Variants in KSR2 observed in about 807,000 individuals in gnomAD.
The protein encoded by KSR2 is kinase suppressor of ras 2.
In KSR2, 25 loss-of-function variants were observed where a neutral mutation model predicts 107.8. That is an observed-to-expected ratio of 0.23 (90% CI 0.17 to 0.32). KSR2 has a LOEUF of 0.32. Among genes scored for constraint, KSR2 ranks in the 10% least tolerant of loss-of-function variants. The pLI is 1.00. For missense variants in KSR2, 887 were observed against 1,268.9 expected (o/e 0.70, Z 4.57); for synonymous variants, 480 against 507.0 (o/e 0.95, Z 0.71).
chr12:117,706,039 CTTTT>C (rs35761064), intron 4 of KSR2, among the ~76,000 whole-genome samples: 2 of 114,706 alleles, frequency 1.7e-5, no homozygotes, highest in Non-Finnish European at 3.6e-5. Flanking sequence ...GTTGTTGGGT[CTTTT>C]TTTTTTTTTT....
chr12:117,855,315 C>A, intron 3 of KSR2, 113 bp downstream of exon 3: 1 of 1,421,552 alleles, frequency 7.0e-7, no homozygotes, highest in Non-Finnish European at 9.6e-7. Flanking sequence ...ATTTGCCCCC[C>A]AGGGTTGACT....
intron 3 of KSR2, among the ~76,000 whole-genome samples, chr12:117,834,268 G>T (rs1053187096): frequency 6.6e-6 from 1 of 152,030 alleles, no homozygotes; most frequent in Admixed American, 6.6e-5. Context: ...CTGGTCAGTG[G>T]TACAAAGATC....
At chr12:117,918,932 G>A (rs1895263216) in intron 1 of KSR2, among the ~76,000 whole-genome samples, 1 of 152,020 alleles carries the variant, frequency 6.6e-6, no homozygotes, top group Non-Finnish European at 1.5e-5. Context: ...TGGAAACACA[G>A]CCCCCTACCC....
intron 2 of KSR2, among the ~76,000 whole-genome samples, chr12:117,859,599 G>A (rs953745631): frequency 1.3e-5 from 2 of 151,478 alleles, no homozygotes; most frequent in African/African-American, 2.4e-5. Context: ...TAGGACCACA[G>A]GCATGCACCA....
chr12:117,904,588 AG>A (rs1894784223), intron 1 of KSR2, among the ~76,000 whole-genome samples: 1 of 152,210 alleles, frequency 6.6e-6, no homozygotes, highest in Admixed American at 6.5e-5. Context: ...ACTATGTGCC[AG>A]TATCCTACTA....
intron 1 of KSR2, among the ~76,000 whole-genome samples, chr12:117,940,062 A>C (rs1391174123): frequency 1.3e-5 from 2 of 152,074 alleles, no homozygotes; most frequent in African/African-American, 4.8e-5. Context: ...GCTTTTTATA[A>C]AATACCAGGA....
Position 117,620,314 on chromosome 12 carries a change from T to A in KSR2, c.1172-37955A>T, listed in dbSNP as rs187566337. ...TAGACCCTGGGTGGTGAGCAAAGGG[T>A]CTGCCCCATTGTGGATATACAGGAG... On this transcript the variant is annotated intron_variant, in intron 5 of 19. Coordinates refer to ENST00000339824, the MANE Select transcript of KSR2 (RefSeq NM_173598.6). 2.4e-3 allele frequency among the ~76,000 whole-genome samples: 358 copies of A among 152,142 alleles called. 10 individuals are homozygous for A. The highest frequency in any genetic ancestry group is 0.013 in the Admixed American group (202 of 15,278).
intron 4 of KSR2, among the ~76,000 whole-genome samples, chr12:117,685,337 C>CATTTAATAATGA (rs1565960544): frequency 6.6e-6 from 1 of 152,202 alleles, no homozygotes; most frequent in East Asian, 1.9e-4. Flanking sequence ...AACCAGAGCT[C>CATTTAATAATGA]GTGACAGCCC....
At chr12:117,468,809 G>T (rs1319429423) in intron 19 of KSR2, among the ~76,000 whole-genome samples, 3 of 152,186 alleles carry the variant, frequency 2.0e-5, no homozygotes, top group African/African-American at 7.2e-5. Context: ...TGCGTTCATG[G>T]AATGTTTTTG....
rs144653837 is a variant in KSR2, at chr12:117,806,866, C to T, written c.473-45342G>A. Among the ~76,000 whole-genome samples, 232 of 152,324 alleles carry T rather than the reference C, an allele frequency of 1.5e-3. 1 individual carries two copies. The highest frequency in any genetic ancestry group is 5.4e-3 in the African/African-American group (223 of 41,576). On this transcript the variant is annotated intron_variant, in intron 3 of 19. Coordinates refer to ENST00000339824, the MANE Select transcript of KSR2 (RefSeq NM_173598.6). ...TCATTTCTTTTAAGTTACATTGAGACACTAGTGCTCGGTGAACCGAATCGA... is the reference window on the plus strand; with the variant it reads ...TCATTTCTTTTAAGTTACATTGAGATACTAGTGCTCGGTGAACCGAATCGA...
intron 3 of KSR2, among the ~76,000 whole-genome samples, chr12:117,773,583 A>G (rs1040645533): frequency 6.6e-6 from 1 of 152,198 alleles, no homozygotes; most frequent in South Asian, 2.1e-4. Context: ...CAGAGAGTCT[A>G]CCATTCCAGG....
intron 3 of KSR2, among the ~76,000 whole-genome samples, chr12:117,768,057 C>T (rs977906469): frequency 6.6e-6 from 1 of 152,136 alleles, no homozygotes; most frequent in Admixed American, 6.5e-5. Context: ...AAGGTTTAGA[C>T]CCTAGTCCCG....
At chr12:117,508,737 G>A (rs558802512) in intron 14 of KSR2, among the ~76,000 whole-genome samples, 1 of 151,722 alleles carries the variant, frequency 6.6e-6, no homozygotes. Context: ...GGGTGCATGG[G>A]TAGATAAATG....
At chr12:117,547,724 G>C (rs1231096107) in intron 9 of KSR2, among the ~76,000 whole-genome samples, 2 of 151,996 alleles carry the variant, frequency 1.3e-5, no homozygotes, top group Non-Finnish European at 2.9e-5. Flanking sequence ...TTTTGTTGGG[G>C]CTTATTTTGT....
chr12:117,731,918 GC>G (rs1166770525), intron 4 of KSR2, among the ~76,000 whole-genome samples: 1 of 139,790 alleles, frequency 7.2e-6, no homozygotes, highest in Non-Finnish European at 1.6e-5. Flanking sequence ...AGGGTCCTGT[GC>G]CTAGGAAAAC....
intron 1 of KSR2, among the ~76,000 whole-genome samples, chr12:117,916,501 T>A (rs899459497): frequency 1.3e-5 from 2 of 152,172 alleles, no homozygotes; most frequent in African/African-American, 4.8e-5. Context: ...ACTTGCTGGA[T>A]CATCTGGATG....
At chr12:117,861,555 A>T (rs1203245363) in intron 1 of KSR2, among the ~76,000 whole-genome samples, 5 of 151,350 alleles carry the variant, frequency 3.3e-5, no homozygotes, top group African/African-American at 7.3e-5. Context: ...CACCCGGCTA[A>T]TTTTTTGTAT....
At position 117,897,037 on chromosome 12, in the gene KSR2, CAGG is replaced by C. The variant is rs1018812922; in HGVS notation, c.181-36609_181-36607del. The stretch of plus-strand genomic sequence containing the variant: ...GGCAGTGATACTTCATCTGCCTAAC[CAGG>C]AGGTGTTAGAGTGAAGAGGTTTCTT... On this transcript the variant is annotated intron_variant, in intron 1 of 19. Coordinates refer to ENST00000339824, the MANE Select transcript of KSR2 (RefSeq NM_173598.6). The surrounding 1 kb of genome is among the most constrained non-coding windows in gnomAD (Gnocchi z 4.5). Among the ~76,000 whole-genome samples the C allele has an allele frequency of 7.2e-5, 11 of 152,256 alleles. No homozygotes were observed. Among genetic ancestry groups the C allele is most frequent in the African/African-American group, 2.6e-4 (11 of 41,556 alleles).
intron 4 of KSR2, among the ~76,000 whole-genome samples, chr12:117,738,010 C>T (rs1298337282): frequency 6.6e-6 from 1 of 152,154 alleles, no homozygotes; most frequent in African/African-American, 2.4e-5. Flanking sequence ...AATTGCTCCA[C>T]AGGGACACCC....
Sources: allele counts gnomAD v4.1 joint callset (sites outside exome capture counted in the v4.1 genomes callset), GRCh38; gene constraint gnomAD v4.1.1; non-coding constraint Gnocchi (gnomAD v3.1); transcripts MANE v1.5; gene names NCBI Gene and HGNC (gene_info 2026-07-23, HGNC 2026-07-21).